The following NKD1 variants were observed in gnomAD, a reference collection of about 807,000 sequenced individuals.
NKD1 encodes NKD inhibitor of Wnt signaling pathway 1, also known as protein naked cuticle homolog 1.
In NKD1, 21 loss-of-function variants were observed where a neutral mutation model predicts 56.0. The ratio of observed to expected loss-of-function variants is 0.38; its 90% CI spans 0.27 to 0.54. The LOEUF (loss-of-function observed/expected upper bound fraction) is 0.54, where lower values mean the gene tolerates loss of function less well. NKD1 is among the 20% of genes least tolerant of loss of function. The probability of loss-of-function intolerance (pLI) is 0.82; values close to 1 mark genes in which losing one functional copy is unlikely to be tolerated. For missense variants in NKD1, 578 were observed against 642.7 expected (o/e 0.90, Z 1.09); for synonymous variants, 263 against 265.7 (o/e 0.99, Z 0.10).
chr16:50,647,751 T>G lies in NKD1; in HGVS notation c.*13970T>G, dbSNP rs982499068. 4 of 152,256 alleles carry G rather than the reference T, an allele frequency of 2.6e-5. No individual in the cohort carries two copies. Among genetic ancestry groups the G allele is most frequent in the Non-Finnish European group, 5.9e-5 (4 of 68,074 alleles). 9.4% of individuals were successfully genotyped at this position (152,256 alleles called of 1,614,324 possible). On this transcript the variant is annotated 3_prime_UTR_variant, in exon 10 of 10. Coordinates refer to ENST00000268459, the MANE Select transcript of NKD1 (RefSeq NM_033119.5). Reference sequence around the variant, plus strand: ...AATTGGACCAGCAAACAGAAATGATTCCTACAGGGGATACAAGCCAGGCAC... The same window carrying G: ...AATTGGACCAGCAAACAGAAATGATGCCTACAGGGGATACAAGCCAGGCAC...
rs201316025 is a variant in NKD1 at position 50,633,473 on chromosome 16, C to G, written c.1105C>G (p.Pro369Ala). 1.3e-5 allele frequency: 21 copies of G among 1,608,972 alleles called. No homozygotes were observed. The African/African-American group carries it at 2.7e-4, about 20-fold the overall frequency. Residue 369 changes from proline (P) to alanine (A), a missense_variant, in exon 10 of 10, where the codon CCC becomes GCC. Pro to Ala is a conservative substitution (Grantham distance 27, BLOSUM62 -1). Transcript: ENST00000268459. This position sits in a 1 kb window ranked among gnomAD's most constrained non-coding sequence, Gnocchi z 4.9. ...GHVARGARNK[P>A]PLGPAIPAVS... ...CGTGGCCAGAGGGGCAAGAAACAAGCCCCCTCTGGGACCCGCCATCCCTGC... is the reference window on the plus strand; with the variant it reads ...CGTGGCCAGAGGGGCAAGAAACAAGGCCCCTCTGGGACCCGCCATCCCTGC...
chr16:50,584,921 C>T (rs866293309), intron 3 of NKD1, among the ~76,000 whole-genome samples: 1 of 152,214 alleles, frequency 6.6e-6, no homozygotes, highest in South Asian at 2.1e-4. Context: ...TAATGAGGCC[C>T]AGGCGCCCAG....
Position 50,548,711 on chromosome 16 carries a change from C to T in NKD1, c.26-6C>T, listed in dbSNP as rs1240714910. 9 of 1,460,888 alleles carry T rather than the reference C, an allele frequency of 6.2e-6. No homozygotes were observed. The highest frequency in any genetic ancestry group is 8.1e-6 in the Non-Finnish European group (9 of 1,115,358). 90.5% of individuals were successfully genotyped at this position (1,460,888 alleles called of 1,614,324 possible). On this transcript the variant is annotated splice_polypyrimidine_tract_variant and splice_region_variant and intron_variant, in intron 1 of 9. Coordinates refer to ENST00000268459, the MANE Select transcript of NKD1 (RefSeq NM_033119.5). The stretch of plus-strand genomic sequence containing the variant: ...CCGCCGCCGCCGCCTCGCGATGTGC[C>T]TGCAGCCGCCGTGTGCAAGCGCAGG...
intron 3 of NKD1, among the ~76,000 whole-genome samples, chr16:50,588,900 G>A (rs1165941497): frequency 6.6e-6 from 1 of 152,016 alleles, no homozygotes; most frequent in Non-Finnish European, 1.5e-5. Flanking sequence ...CACCATGCCT[G>A]GCCTCATATT....
At chr16:50,599,362 C>G (rs1596731881) in intron 3 of NKD1, among the ~76,000 whole-genome samples, 1 of 152,134 alleles carries the variant, frequency 6.6e-6, no homozygotes, top group Non-Finnish European at 1.5e-5. Context: ...GCTGGGGAAA[C>G]TGAGGCATAG....
At chr16:50,558,158 AATT>A (rs1294002181) in intron 3 of NKD1, 1 of 152,248 alleles carries the variant, frequency 6.6e-6, no homozygotes, top group Non-Finnish European at 1.5e-5. Context: ...CAATTTAAAA[AATT>A]ATTGTTAACC....
Position 50,623,749 on chromosome 16 carries a change from G to A in NKD1, c.367-1736G>A, listed in dbSNP as rs1431713367. Among the ~76,000 whole-genome samples the A allele has an allele frequency of 6.6e-6, 1 of 151,934 alleles. No individual in the cohort carries two copies. Among genetic ancestry groups the A allele is most frequent in the East Asian group, 1.9e-4 (1 of 5,192 alleles). The stretch of plus-strand genomic sequence containing the variant: ...GCTGTGTGTGTGTGTGTGTGTGTGT[G>A]TGTGTGTGTGTGTGTACACAGGTAT... On this transcript the variant is annotated intron_variant, in intron 5 of 9. Coordinates refer to ENST00000268459, the MANE Select transcript of NKD1 (RefSeq NM_033119.5). This position sits in a 1 kb window ranked among gnomAD's most constrained non-coding sequence, Gnocchi z 4.1.
At chr16:50,625,640 A>G in intron 6 of NKD1, 60 bp downstream of exon 6, 4 of 1,067,048 alleles carry the variant, frequency 3.7e-6, no homozygotes, top group Non-Finnish European at 5.8e-6. Flanking sequence ...GGGCCTGGGC[A>G]CAGCACCCTG....
At chr16:50,571,309 G>A (rs978257171) in intron 3 of NKD1, among the ~76,000 whole-genome samples, 5 of 152,196 alleles carry the variant, frequency 3.3e-5, no homozygotes, top group Non-Finnish European at 5.9e-5. Context: ...GATGTGATCC[G>A]GAGAGGGGAA....
intron 3 of NKD1, chr16:50,557,287 C>T (rs1200278309): frequency 6.6e-6 from 1 of 152,144 alleles, no homozygotes; most frequent in African/African-American, 2.4e-5. Context: ...TTTTTCATTC[C>T]ACAAATATTT....
intron 4 of NKD1, among the ~76,000 whole-genome samples, chr16:50,614,359 T>A (rs1251419785): frequency 6.6e-6 from 1 of 152,022 alleles, no homozygotes; most frequent in Non-Finnish European, 1.5e-5. Flanking sequence ...CATGGACACA[T>A]GCACGCACAC....
intron 3 of NKD1, among the ~76,000 whole-genome samples, chr16:50,594,696 G>A (rs1440268312): frequency 6.6e-6 from 1 of 152,182 alleles, no homozygotes; most frequent in East Asian, 1.9e-4. Context: ...GGCCACCTGG[G>A]GTGGGGACAC....
At chr16:50,603,586 C>T (rs898287559) in intron 3 of NKD1, among the ~76,000 whole-genome samples, 1 of 152,246 alleles carries the variant, frequency 6.6e-6, no homozygotes, top group Non-Finnish European at 1.5e-5. Flanking sequence ...GTGGCACCAA[C>T]ATCTGTTAGC....
chr16:50,639,780 G>A lies in NKD1; in HGVS notation c.*5999G>A, dbSNP rs1962544113. The A allele has an allele frequency of 6.6e-6, 1 of 152,238 alleles. No homozygotes were observed. The highest frequency in any genetic ancestry group is 2.4e-5 in the African/African-American group (1 of 41,446). 9.4% of individuals were successfully genotyped at this position (152,238 alleles called of 1,614,324 possible). ...AGACCCCTAAGGTCCTCCAACTAGG[G>A]TGGGTCCACAGTGGCCCCTGGTGCA... On this transcript the variant is annotated 3_prime_UTR_variant, in exon 10 of 10. Transcript: ENST00000268459.
intron 3 of NKD1, chr16:50,571,483 A>G (rs1960882725): frequency 3.0e-6 from 3 of 985,258 alleles, no homozygotes; most frequent in Admixed American, 6.2e-5. Flanking sequence ...ACACCCAAAC[A>G]GCCTGTCGGA....
chr16:50,647,368 T>C lies in NKD1; in HGVS notation c.*13587T>C, dbSNP rs922077730. On this transcript the variant is annotated 3_prime_UTR_variant, in exon 10 of 10. Transcript: ENST00000268459. ...AGGACCACAGAGCACACACAGAGAG[T>C]GCTGGGTCCTTGGGAATGATGTTGA... The C allele has an allele frequency of 1.3e-5, 2 of 152,072 alleles. No individual in the cohort carries two copies. Among genetic ancestry groups the C allele is most frequent in the African/African-American group, 4.8e-5 (2 of 41,396 alleles). 9.4% of individuals were successfully genotyped at this position (152,072 alleles called of 1,614,324 possible).
At chr16:50,574,220 C>T in intron 3 of NKD1, 2 of 985,316 alleles carry the variant, frequency 2.0e-6, no homozygotes, top group South Asian at 9.4e-5. Flanking sequence ...AATTTTCTCT[C>T]CTGTCAAATG....
chr16:50,632,156 TC>T lies in NKD1; in HGVS notation c.696-123del, dbSNP rs1188617554. On this transcript the variant is annotated intron_variant, in intron 8 of 9. Coordinates refer to ENST00000268459, the MANE Select transcript of NKD1 (RefSeq NM_033119.5). This position sits in a 1 kb window ranked among gnomAD's most constrained non-coding sequence, Gnocchi z 4.1. ...TAGAGGACTGTTCCTCCCCACCCTC[TC>T]CAAAGGCCAAGAAGGAAATGAATGA... 1.3e-5 allele frequency: 12 copies of T among 910,424 alleles called. No homozygotes were observed. The highest frequency in any genetic ancestry group is 2.0e-5 in the Non-Finnish European group (12 of 596,514). The allele number at this position is 910,424 out of a possible 1,614,324, so 56.4% of individuals were successfully genotyped here.
chr16:50,616,743 T>C (rs1961969788), intron 4 of NKD1, among the ~76,000 whole-genome samples: 3 of 152,174 alleles, frequency 2.0e-5, no homozygotes, highest in Admixed American at 1.3e-4. Context: ...CTAGACTGAA[T>C]GGCGGGAGAC....
Sources: allele counts gnomAD v4.1 joint callset (sites outside exome capture counted in the v4.1 genomes callset), GRCh38; gene constraint gnomAD v4.1.1; non-coding constraint Gnocchi (gnomAD v3.1); transcripts MANE v1.5; gene names NCBI Gene and HGNC (gene_info 2026-07-23, HGNC 2026-07-21).